MAPRE2: variants seen among roughly 807,000 people sequenced by gnomAD.
MAPRE2 encodes microtubule-associated protein RP/EB family member 2.
In MAPRE2, 13 loss-of-function variants were observed where a neutral mutation model predicts 43.2. The ratio of observed to expected loss-of-function variants is 0.30; its 90% CI spans 0.20 to 0.48. MAPRE2 has a LOEUF of 0.48. MAPRE2 is among the 20% of genes least tolerant of loss of function. The probability of loss-of-function intolerance (pLI) is 0.99; values close to 1 mark genes in which losing one functional copy is unlikely to be tolerated. For missense variants in MAPRE2, 161 were observed against 400.2 expected (o/e 0.40, Z 5.10); for synonymous variants, 135 against 148.8 (o/e 0.91, Z 0.68).
At chr18:35,043,436 C>T (rs1223059461) in intron 1 of MAPRE2, among the ~76,000 whole-genome samples, 2 of 152,076 alleles carry the variant, frequency 1.3e-5, no homozygotes, top group Admixed American at 6.5e-5. Flanking sequence ...TAACTTGAAA[C>T]GGCAGTGGAA....
chr18:35,004,883 A>T (rs1393426975), intron 1 of MAPRE2, among the ~76,000 whole-genome samples: 7 of 151,062 alleles, frequency 4.6e-5, no homozygotes, highest in African/African-American at 9.7e-5. Flanking sequence ...GCGCCACTGC[A>T]CTCCAGCCTG....
In MAPRE2 at chr18:35,070,479, A is replaced by T. The variant is rs918070401; in HGVS notation, c.250+157A>T. On this transcript the variant is annotated intron_variant, in intron 2 of 6. Transcript: ENST00000300249. ...GGAAAAACTCAGATATAACTAAAGGACGTATTGGGAAAAGTGTTTATGAGC... is the reference window on the plus strand; with the variant it reads ...GGAAAAACTCAGATATAACTAAAGGTCGTATTGGGAAAAGTGTTTATGAGC... The T allele has an allele frequency of 4.5e-4, 240 of 539,104 alleles. 1 individual carries two copies. Among genetic ancestry groups the T allele is most frequent in the Non-Finnish European group, 6.8e-4 (225 of 332,782 alleles). The allele number at this position is 539,104 out of a possible 1,614,324, so 33.4% of individuals were successfully genotyped here.
At chr18:35,118,945 T>A (rs937194281) in intron 4 of MAPRE2, among the ~76,000 whole-genome samples, 1 of 152,124 alleles carries the variant, frequency 6.6e-6, no homozygotes, top group Non-Finnish European at 1.5e-5. Context: ...GGCTCAGGTC[T>A]CACACTTACT....
intron 4 of MAPRE2, among the ~76,000 whole-genome samples, chr18:35,124,660 G>T (rs527882215): frequency 9.2e-5 from 14 of 152,098 alleles, no homozygotes; most frequent in African/African-American, 3.4e-4. Context: ...GGTAGTCTTC[G>T]CACTGCTTTC....
At chr18:35,138,437 T>TA (rs2144263094) in intron 6 of MAPRE2, among the ~76,000 whole-genome samples, 1 of 152,232 alleles carries the variant, frequency 6.6e-6, no homozygotes, top group Non-Finnish European at 1.5e-5. Flanking sequence ...GTCGGCACGG[T>TA]AAGAGACAAT....
chr18:35,136,515 C>G (rs550548622), intron 6 of MAPRE2, among the ~76,000 whole-genome samples: 1 of 152,136 alleles, frequency 6.6e-6, no homozygotes, highest in African/African-American at 2.4e-5. Flanking sequence ...AGATAAAAGC[C>G]GCCTGGAGGA....
intron 2 of MAPRE2, among the ~76,000 whole-genome samples, chr18:35,092,109 A>G (rs1361475588): frequency 6.6e-6 from 1 of 152,214 alleles, no homozygotes; most frequent in Non-Finnish European, 1.5e-5. Flanking sequence ...ACTCACTATC[A>G]TAAGAACAGC....
intron 1 of MAPRE2, among the ~76,000 whole-genome samples, chr18:35,067,051 T>A (rs764865086): frequency 1.5e-4 from 23 of 152,268 alleles, no homozygotes; most frequent in Non-Finnish European, 2.9e-4. Flanking sequence ...GTTCACTTAT[T>A]CTTAATCTGT....
chr18:35,095,456 C>T lies in MAPRE2; in HGVS notation c.251-1990C>T, dbSNP rs556464261. On this transcript the variant is annotated intron_variant, in intron 2 of 6. Transcript: ENST00000300249. ...TAGAATGGCATATACCAGAATATTT[C>T]GAGTGGTTCTCTGGATGATGACACT... is the stretch of plus-strand genomic sequence containing the variant. Among the ~76,000 whole-genome samples the T allele has an allele frequency of 6.6e-5, 10 of 150,520 alleles. No homozygotes were observed. In the East Asian group the frequency reaches 1.6e-3, roughly 23 times the overall value.
intron 2 of MAPRE2, among the ~76,000 whole-genome samples, chr18:35,077,246 C>T (rs1032913375): frequency 1.5e-4 from 18 of 121,794 alleles, no homozygotes; most frequent in East Asian, 3.2e-4. Flanking sequence ...CGCGTGCGCG[C>T]GCGCACACAC....
chr18:34,981,897 T>TA (rs2097016572), intron 1 of MAPRE2, among the ~76,000 whole-genome samples: 7 of 147,652 alleles, frequency 4.7e-5, no homozygotes, highest in African/African-American at 1.8e-4. Context: ...ATTTTTTTTT[T>TA]TTTTTGAGAC....
At chr18:35,024,293 A>T (rs1568975067) in intron 2 of MAPRE2, among the ~76,000 whole-genome samples, 1 of 152,210 alleles carries the variant, frequency 6.6e-6, no homozygotes, top group Non-Finnish European at 1.5e-5. Context: ...TAAACTCCTA[A>T]CTTGAAACTA....
chr18:35,132,104 A>C lies in MAPRE2; in HGVS notation c.823A>C (p.Ile275Leu), dbSNP rs781424078. The change falls in exon 6 of 7, where the codon ATC becomes CTC. Residue 275 changes from isoleucine (I) to leucine (L), a missense_variant. Coordinates refer to ENST00000300249, the MANE Select transcript of MAPRE2 (RefSeq NM_014268.4). ...RDFYFGKLRE[I>L]ELLCQEHGQE... is the part of the protein sequence containing the mutation. ...TTTCTACTTTGGGAAGTTGAGAGAG[A>C]TCGAGCTACTCTGCCAAGAACACGG... 6.2e-7 allele frequency: 1 copy of C among 1,614,082 alleles called. No homozygotes were observed. The highest frequency in any genetic ancestry group is 1.3e-5 in the African/African-American group (1 of 74,918).
chr18:35,012,872 C>A (rs912007647), intron 2 of MAPRE2, among the ~76,000 whole-genome samples: 3 of 152,090 alleles, frequency 2.0e-5, no homozygotes, highest in Admixed American at 2.0e-4. Flanking sequence ...CCAAACTGTA[C>A]ACTTAAAAAT....
intron 2 of MAPRE2, among the ~76,000 whole-genome samples, chr18:35,093,641 T>G (rs1908264979): frequency 6.6e-6 from 1 of 152,250 alleles, no homozygotes; most frequent in Non-Finnish European, 1.5e-5. Flanking sequence ...TGGAGGACGT[T>G]ATGTTCGGTG....
At chr18:35,096,586 C>T (rs529633559) in intron 2 of MAPRE2, among the ~76,000 whole-genome samples, 1 of 142,742 alleles carries the variant, frequency 7.0e-6, no homozygotes, top group South Asian at 2.2e-4. Context: ...TCATAAAGAA[C>T]ATGACTCTGA....
At chr18:35,001,362 A>G (rs1243674401) in intron 1 of MAPRE2, among the ~76,000 whole-genome samples, 8 of 152,162 alleles carry the variant, frequency 5.3e-5, no homozygotes, top group Admixed American at 5.2e-4. Flanking sequence ...AAAAAATACA[A>G]AAATTAGTGG....
At chr18:35,034,580 C>A (rs1171537584) in intron 2 of MAPRE2, among the ~76,000 whole-genome samples, 6 of 151,954 alleles carry the variant, frequency 3.9e-5, no homozygotes, top group Admixed American at 3.9e-4. Context: ...AGGCAACCTA[C>A]AAAATGGGAG....
intron 1 of MAPRE2, among the ~76,000 whole-genome samples, chr18:34,980,629 A>G (rs1206857875): frequency 2.0e-5 from 3 of 152,206 alleles, no homozygotes; most frequent in African/African-American, 7.2e-5. Context: ...TAGAAGCCAA[A>G]GTCCTGTCAC....
Sources: gnomAD v4.1 joint callset for allele counts (sites outside exome capture counted in the v4.1 genomes callset) on GRCh38, gnomAD v4.1.1 for gene constraint, MANE v1.5 for transcripts, NCBI Gene and HGNC (gene_info 2026-07-23, HGNC 2026-07-21) for gene names.